Variants in OR9Q1 observed in about 807,000 individuals in gnomAD.
OR9Q1 encodes the protein olfactory receptor family 9 subfamily Q member 1, also known as olfactory receptor 9Q1.
For missense variants in OR9Q1, 374 were observed against 378.8 expected, an observed-to-expected ratio of 0.99 and a Z score of 0.11; for synonymous variants, 153 against 148.6, an observed-to-expected ratio of 1.03 and a Z score of -0.22.
At chr11:58,156,191 G>T (rs1444298913) in intron 2 of OR9Q1, among the ~76,000 whole-genome samples, 1 of 152,148 alleles carries the variant, frequency 6.6e-6, no homozygotes, top group Non-Finnish European at 1.5e-5. Flanking sequence ...AGGATTACAG[G>T]TGTGAGCCAC....
chr11:58,122,788 A>C (rs527371944), intron 2 of OR9Q1, among the ~76,000 whole-genome samples: 1 of 152,112 alleles, frequency 6.6e-6, no homozygotes, highest in Non-Finnish European at 1.5e-5. Flanking sequence ...GTGTATTCAA[A>C]ATACATATCC....
At chr11:58,028,299 C>T (rs1852995209) in intron 1 of OR9Q1, among the ~76,000 whole-genome samples, 2 of 152,182 alleles carry the variant, frequency 1.3e-5, no homozygotes, top group Non-Finnish European at 2.9e-5. Flanking sequence ...TTTGCTTGAC[C>T]TGCATACAAG....
At chr11:58,054,461 C>A (rs1289709647) in intron 1 of OR9Q1, among the ~76,000 whole-genome samples, 1 of 152,100 alleles carries the variant, frequency 6.6e-6, no homozygotes, top group Non-Finnish European at 1.5e-5. Context: ...TTACCAATAC[C>A]AATACCAATA....
At chr11:58,036,257 G>C (rs1792512074) in intron 1 of OR9Q1, among the ~76,000 whole-genome samples, 1 of 152,184 alleles carries the variant, frequency 6.6e-6, no homozygotes, top group African/African-American at 2.4e-5. Flanking sequence ...GCTGTTTACA[G>C]CATGGTTTAC....
At chr11:58,153,177 G>A (rs1441522409) in intron 2 of OR9Q1, among the ~76,000 whole-genome samples, 1 of 152,202 alleles carries the variant, frequency 6.6e-6, no homozygotes, top group Admixed American at 6.5e-5. Flanking sequence ...GAAAACCAAG[G>A]TGGTGAAGGA....
intron 2 of OR9Q1, among the ~76,000 whole-genome samples, chr11:58,136,384 T>C (rs189606178): frequency 1.7e-3 from 260 of 152,232 alleles, no homozygotes; most frequent in African/African-American, 5.6e-3. Context: ...TATTTGTAGG[T>C]TTTCAAAACA....
intron 2 of OR9Q1, among the ~76,000 whole-genome samples, chr11:58,148,695 A>T (rs1854322443): frequency 6.6e-6 from 1 of 152,228 alleles, no homozygotes; most frequent in African/African-American, 2.4e-5. Context: ...AGGCAGCTCT[A>T]GTTTTTGAAT....
At chr11:58,065,094 A>C (rs534913311) in intron 2 of OR9Q1, among the ~76,000 whole-genome samples, 13 of 152,268 alleles carry the variant, frequency 8.5e-5, no homozygotes, top group Admixed American at 5.9e-4. Context: ...GGCTCTACAA[A>C]CTCAGGCAGA....
rs1417264746 is a variant in OR9Q1, at chr11:58,048,197, A to G, written c.-92-7673A>G. On this transcript the variant is annotated intron_variant, in intron 1 of 2. Transcript: ENST00000335397. ...CTTCTTTGTGCCAGTTAGGATTGGT[A>G]CCTAGGATAGAAAAACTCAGTCCTG... Among the ~76,000 whole-genome samples the G allele has an allele frequency of 6.6e-5, 10 of 152,264 alleles. No homozygotes were observed. In the East Asian group the frequency reaches 1.9e-3, roughly 29 times the overall value.
intron 2 of OR9Q1, among the ~76,000 whole-genome samples, chr11:58,169,415 A>T (rs1373279164): frequency 2.0e-5 from 3 of 152,070 alleles, no homozygotes; most frequent in Non-Finnish European, 2.9e-5. Context: ...ACTTTTATTG[A>T]GCAGATATCT....
At chr11:58,165,163 G>T (rs543009153) in intron 2 of OR9Q1, among the ~76,000 whole-genome samples, 2 of 152,312 alleles carry the variant, frequency 1.3e-5, no homozygotes, top group African/African-American at 2.4e-5. Context: ...CATGCCTAAA[G>T]CAGTCCCTGG....
chr11:58,162,778 C>T (rs1034055861), intron 2 of OR9Q1, among the ~76,000 whole-genome samples: 1 of 152,110 alleles, frequency 6.6e-6, no homozygotes, highest in East Asian at 1.9e-4. Context: ...CCTTGGGTAA[C>T]CTTCATCCCT....
chr11:58,032,194 G>A (rs952134594), intron 1 of OR9Q1, among the ~76,000 whole-genome samples: 13 of 151,998 alleles, frequency 8.6e-5, no homozygotes, highest in African/African-American at 1.9e-4. Context: ...AAAGCAATCC[G>A]CAGATTCAAT....
chr11:58,132,611 A>G (rs1409262425), intron 2 of OR9Q1, among the ~76,000 whole-genome samples: 1 of 152,122 alleles, frequency 6.6e-6, no homozygotes, highest in Non-Finnish European at 1.5e-5. Flanking sequence ...GTCACATTTC[A>G]CTCAGGCTCT....
At chr11:58,073,923 T>C (rs532929756) in intron 2 of OR9Q1, among the ~76,000 whole-genome samples, 3 of 152,306 alleles carry the variant, frequency 2.0e-5, no homozygotes, top group Admixed American at 1.3e-4. Context: ...TATTCCTGTG[T>C]TAGTTTGCTG....
intron 2 of OR9Q1, among the ~76,000 whole-genome samples, chr11:58,085,435 A>G (rs1222342770): frequency 6.6e-6 from 1 of 151,818 alleles, no homozygotes; most frequent in Non-Finnish European, 1.5e-5. Flanking sequence ...TACTCTTTTA[A>G]CAAAATTTTA....
chr11:58,090,337 C>G (rs911007628), intron 2 of OR9Q1, among the ~76,000 whole-genome samples: 1 of 152,020 alleles, frequency 6.6e-6, no homozygotes, highest in Non-Finnish European at 1.5e-5. Context: ...ACCTAGTTTA[C>G]TGAGTGTTTT....
intron 1 of OR9Q1, chr11:58,031,201 G>T: frequency 6.2e-7 from 1 of 1,614,146 alleles, no homozygotes; most frequent in Non-Finnish European, 8.5e-7. Flanking sequence ...TGCCCAAGAT[G>T]CTGGCTGGTT....
chr11:58,171,650 C>T (rs1028590689), intron 2 of OR9Q1: 1 of 151,620 alleles, frequency 6.6e-6, no homozygotes, highest in Non-Finnish European at 1.5e-5. Flanking sequence ...GCTGACCATT[C>T]CAATTTTATA....
Sources: gnomAD v4.1 joint callset for allele counts (sites outside exome capture counted in the v4.1 genomes callset) on GRCh38, gnomAD v4.1.1 for gene constraint, MANE v1.5 for transcripts, NCBI Gene and HGNC (gene_info 2026-07-23, HGNC 2026-07-21) for gene names.